Variants in PDZD2 observed in about 807,000 individuals in gnomAD.
The protein encoded by PDZD2 is PDZ domain-containing protein 2.
PDZD2 carries 90 observed loss-of-function variants against 220.7 expected under a neutral mutation model. The observed-to-expected ratio is 0.41, with a 90% CI of 0.34 to 0.49. The LOEUF (loss-of-function observed/expected upper bound fraction) is 0.49. Among genes scored for constraint, PDZD2 ranks in the 20% least tolerant of loss-of-function variants. PDZD2 has a pLI of 0.28. For missense variants in PDZD2, 3,174 were observed against 3,608.5 expected (o/e 0.88, Z 3.08); for synonymous variants, 1,375 against 1,450.5 (o/e 0.95, Z 1.18).
chr5:32,087,277 A>G lies in PDZD2; in HGVS notation c.3829A>G (p.Lys1277Glu). 1 of 1,614,182 alleles carries G rather than the reference A, an allele frequency of 6.2e-7. No homozygotes were observed. The highest frequency in any genetic ancestry group is 8.5e-7 in the Non-Finnish European group (1 of 1,180,016). ...QPASPRVTKC[K>E]ARSPVRLPHE... ...TGCATCGCCCAGGGTCACCAAGTGC[A>G]AGGCCAGGTCTCCAGTCAGGCTCCC... The change falls in exon 20 of 25, where the codon AAG (lysine) becomes GAG (glutamate). Residue 1277 changes from lysine to glutamate, a missense_variant. Coordinates refer to ENST00000438447, the MANE Select transcript of PDZD2 (RefSeq NM_178140.4). This position sits in a 1 kb window ranked among gnomAD's most constrained non-coding sequence, Gnocchi z 4.0.
intron 1 of PDZD2, among the ~76,000 whole-genome samples, chr5:31,687,053 G>A (rs454361): frequency 0.45 from 68,048 of 151,850 alleles, 15,681 homozygotes; most frequent in East Asian, 0.69. Context: ...TATTCATCTG[G>A]GGTGGGACAT....
intron 2 of PDZD2, chr5:31,847,828 G>A (rs1001882949): frequency 2.0e-5 from 11 of 555,466 alleles, no homozygotes; most frequent in African/African-American, 1.9e-4. Flanking sequence ...TGAAAGCAAG[G>A]AACTTAATGC....
chr5:32,061,666 A>C (rs1739700487), intron 14 of PDZD2, among the ~76,000 whole-genome samples: 2 of 152,214 alleles, frequency 1.3e-5, no homozygotes, highest in South Asian at 4.1e-4. Flanking sequence ...TAATCCTAGC[A>C]CTTTGGGAGG....
rs1013534684 is a variant in PDZD2, at chr5:31,968,054, A to G, written c.477-15101A>G. Among the ~76,000 whole-genome samples the G allele has an allele frequency of 4.6e-5, 7 of 152,294 alleles. 1 individual carries two copies. Among genetic ancestry groups the G allele is most frequent in the African/African-American group, 1.7e-4 (7 of 41,572 alleles). ...TCGACATATTGAAATCTAATCCCCC[A>G]TGCAAAAGTATTTGGAGGTGAGGCC... On this transcript the variant is annotated intron_variant, in intron 2 of 24. Transcript: ENST00000438447.
At position 31,816,287 on chromosome 5, in the gene PDZD2, CA is replaced by C. The variant is rs34233316; in HGVS notation, c.476+16578del. 4.3e-3 allele frequency among the ~76,000 whole-genome samples: 426 copies of C among 99,026 alleles called. 9 individuals are homozygous for C. Among genetic ancestry groups the C allele is most frequent in the African/African-American group, 4.9e-3 (118 of 23,904 alleles). The allele number at this position is 99,026 out of a possible 152,430, so 65.0% of individuals were successfully genotyped here. A position where few individuals can be genotyped will look rare whatever the true frequency, so the allele number is the denominator to read the frequency against. On this transcript the variant is annotated intron_variant, in intron 2 of 24. Transcript: ENST00000438447. ...TGGGCGACAGAGCGAGACTCCATCT[CA>C]AAAAAAAAAAAAAAGATGACTGGGA...
intron 1 of PDZD2, among the ~76,000 whole-genome samples, chr5:31,716,641 A>G (rs1748463327): frequency 1.3e-5 from 2 of 152,134 alleles, no homozygotes; most frequent in Admixed American, 1.3e-4. Context: ...TGTCTCTACT[A>G]AAAATACAAA....
intron 1 of PDZD2, chr5:31,787,592 T>G (rs1286128443): frequency 6.6e-6 from 1 of 151,746 alleles, no homozygotes; most frequent in East Asian, 1.9e-4. Context: ...AGGTTATCCT[T>G]TTCCATTTCA....
rs1346340046 is a variant in PDZD2 at position 31,639,928 on chromosome 5, G to T, written c.-361+491G>T. On this transcript the variant is annotated intron_variant, in intron 1 of 24. Coordinates refer to ENST00000438447, the MANE Select transcript of PDZD2 (RefSeq NM_178140.4). The surrounding 1 kb of genome is among the most constrained non-coding windows in gnomAD (Gnocchi z 4.1). Reference sequence around the variant, plus strand: ...TCTTTGCCCAGATGAGACGTTAGACGCGGGGCGAGGGAATGCAGGGGGCGC... The same window carrying T: ...TCTTTGCCCAGATGAGACGTTAGACTCGGGGCGAGGGAATGCAGGGGGCGC... 6.6e-6 allele frequency among the ~76,000 whole-genome samples: 1 copy of T among 152,168 alleles called. No individual in the cohort carries two copies. Among genetic ancestry groups the T allele is most frequent in the Non-Finnish European group, 1.5e-5 (1 of 68,030 alleles).
At chr5:32,078,880 AAAT>A (rs1741622762) in intron 19 of PDZD2, among the ~76,000 whole-genome samples, 1 of 152,000 alleles carries the variant, frequency 6.6e-6, no homozygotes, top group South Asian at 2.1e-4. Flanking sequence ...TAGTTGAACA[AAAT>A]AATATTGTAA....
chr5:31,768,592 A>T (rs1045090891), intron 1 of PDZD2, among the ~76,000 whole-genome samples: 1 of 151,358 alleles, frequency 6.6e-6, no homozygotes, highest in Non-Finnish European at 1.5e-5. Context: ...CAGTGAGCCA[A>T]TATTGTGCCA....
chr5:31,758,325 C>T lies in PDZD2; in HGVS notation c.-360-40564C>T, dbSNP rs939040881. ...GCCCAGTGACTGCTGGAAAGAGTGCCGATGGCACTGGAGATGGAATGAGGG... is the reference window on the plus strand; with the variant it reads ...GCCCAGTGACTGCTGGAAAGAGTGCTGATGGCACTGGAGATGGAATGAGGG... On this transcript the variant is annotated intron_variant, in intron 1 of 24. Coordinates refer to ENST00000438447, the MANE Select transcript of PDZD2 (RefSeq NM_178140.4). 8.5e-5 allele frequency among the ~76,000 whole-genome samples: 13 copies of T among 152,290 alleles called. No homozygotes were observed. The East Asian group carries it at 1.7e-3, about 20-fold the overall frequency.
intron 2 of PDZD2, among the ~76,000 whole-genome samples, chr5:31,953,958 T>A (rs906611053): frequency 5.3e-5 from 8 of 152,052 alleles, no homozygotes; most frequent in African/African-American, 1.9e-4. Context: ...TAAAAAAATT[T>A]GTTTTTAATT....
chr5:31,944,823 G>A (rs1333808483), intron 2 of PDZD2, among the ~76,000 whole-genome samples: 1 of 152,196 alleles, frequency 6.6e-6, no homozygotes, highest in Non-Finnish European at 1.5e-5. Flanking sequence ...CCGCTTCCTG[G>A]CCTCATGGCC....
chr5:31,942,835 A>G (rs1397581110), intron 2 of PDZD2, among the ~76,000 whole-genome samples: 1 of 152,202 alleles, frequency 6.6e-6, no homozygotes, highest in East Asian at 1.9e-4. Context: ...TTTTGCTTTC[A>G]TGGCACTTGG....
rs552596233 is a variant in PDZD2 at position 31,719,502 on chromosome 5, A to C, written c.-360-79387A>C. On this transcript the variant is annotated intron_variant, in intron 1 of 24. Transcript: ENST00000438447. ...TTCTGAGTGACAGCTTGAAACTGAC[A>C]AAACTCCTTGTACTAAATAAATTAT... Among the ~76,000 whole-genome samples the C allele has an allele frequency of 5.3e-5, 8 of 152,360 alleles. No individual in the cohort carries two copies. In the South Asian group the frequency reaches 1.7e-3, roughly 32 times the overall value.
rs1284259173 is a variant in PDZD2, at chr5:32,109,643, T to C, written c.*1508T>C. 6.6e-6 allele frequency: 1 copy of C among 152,230 alleles called. No homozygotes were observed. Among genetic ancestry groups the C allele is most frequent in the Non-Finnish European group, 1.5e-5 (1 of 68,048 alleles). The allele number at this position is 152,230 out of a possible 1,614,324, so 9.4% of individuals were successfully genotyped here. On this transcript the variant is annotated 3_prime_UTR_variant, in exon 25 of 25. Transcript: ENST00000438447. ...GTCTTCAGTGGCACAAACCAACCCGTTGAGCCCTGACAACATGAGTGGAGA... is the reference window on the plus strand; with the variant it reads ...GTCTTCAGTGGCACAAACCAACCCGCTGAGCCCTGACAACATGAGTGGAGA...
At chr5:31,679,091 C>A (rs1746556104) in intron 1 of PDZD2, among the ~76,000 whole-genome samples, 1 of 152,194 alleles carries the variant, frequency 6.6e-6, no homozygotes, top group Non-Finnish European at 1.5e-5. Flanking sequence ...TGGCCTCTGA[C>A]TACAGAGCCC....
intron 1 of PDZD2, among the ~76,000 whole-genome samples, chr5:31,729,813 GTTGTTTTGTTTTGTT>G (rs370346356): frequency 1.3e-5 from 2 of 151,676 alleles, no homozygotes; most frequent in Non-Finnish European, 2.9e-5. Flanking sequence ...AGTTACTTCT[GTTGTTTTGTTTTGTT>G]TTGTTTTGTT....
chr5:31,818,268 A>G (rs1755598727), intron 2 of PDZD2, among the ~76,000 whole-genome samples: 1 of 152,122 alleles, frequency 6.6e-6, no homozygotes, highest in African/African-American at 2.4e-5. Context: ...CACCACACCC[A>G]GCCTCTCAAT....
Sources: allele counts gnomAD v4.1 joint callset (sites outside exome capture counted in the v4.1 genomes callset), GRCh38; gene constraint gnomAD v4.1.1; non-coding constraint Gnocchi (gnomAD v3.1); transcripts MANE v1.5; gene names NCBI Gene and HGNC (gene_info 2026-07-23, HGNC 2026-07-21).